The following EXTL2 variants were observed in gnomAD, a reference collection of about 807,000 sequenced individuals.
The protein encoded by EXTL2 is exostosin like glycosyltransferase 2.
A neutral mutation model predicts 30.7 loss-of-function variants in EXTL2; 23 were observed. That is an observed-to-expected ratio of 0.75 (90% CI 0.54 to 1.06). The LOEUF (loss-of-function observed/expected upper bound fraction) is 1.06, where lower values mean the gene tolerates loss of function less well. EXTL2 is among the 50% of genes least tolerant of loss of function. The pLI, the probability that EXTL2 is intolerant of heterozygous loss-of-function variation, is 0.00. For missense variants in EXTL2, 352 were observed against 396.3 expected, an observed-to-expected ratio of 0.89 and a Z score of 0.95; for synonymous variants, 123 against 133.8, an observed-to-expected ratio of 0.92 and a Z score of 0.56.
At chr1:100,887,942 G>A (rs893325675) in intron 2 of EXTL2, among the ~76,000 whole-genome samples, 5 of 151,978 alleles carry the variant, frequency 3.3e-5, no homozygotes, top group Admixed American at 2.0e-4. Context: ...CTTGTGATCC[G>A]CCCGCTTTGG....
At chr1:100,885,088 A>T (rs1649858384) in intron 2 of EXTL2, among the ~76,000 whole-genome samples, 7 of 152,246 alleles carry the variant, frequency 4.6e-5, no homozygotes, top group Admixed American at 4.6e-4. Flanking sequence ...GAGCTGGGTC[A>T]TCACCCATCT....
At chr1:100,888,903 T>C in intron 1 of EXTL2, 75 bp from the exon 2 acceptor site, 1 of 527,290 alleles carries the variant, frequency 1.9e-6, no homozygotes, top group Non-Finnish European at 3.3e-6. Flanking sequence ...AAACAAAAAA[T>C]GGTGCTTTCA....
At chr1:100,888,340 T>C (rs1034010368) in intron 2 of EXTL2, 2 of 156,008 alleles carry the variant, frequency 1.3e-5, no homozygotes, top group African/African-American at 4.8e-5. Flanking sequence ...GAAAATATGA[T>C]ACACAGGTAC....
upstream of EXTL2, chr1:100,894,906 T>A (rs569407684): frequency 6.6e-5 from 10 of 152,282 alleles, no homozygotes; most frequent in African/African-American, 2.2e-4. Context: ...CCCAGGAAGC[T>A]CGGTTTTGTA....
chr1:100,879,945 T>C (rs1649432788), intron 2 of EXTL2, among the ~76,000 whole-genome samples: 1 of 152,174 alleles, frequency 6.6e-6, no homozygotes, highest in Non-Finnish European at 1.5e-5. Flanking sequence ...AGTTTTGGAA[T>C]ATTCTGTTCC....
intron 2 of EXTL2, among the ~76,000 whole-genome samples, chr1:100,881,444 C>A (rs768260432): frequency 6.6e-6 from 1 of 152,236 alleles, no homozygotes; most frequent in Non-Finnish European, 1.5e-5. Context: ...TGACCTATGT[C>A]GTACTTGGGA....
At chr1:100,889,431 C>T (rs1172665209) in intron 1 of EXTL2, among the ~76,000 whole-genome samples, 1 of 152,108 alleles carries the variant, frequency 6.6e-6, no homozygotes, top group Non-Finnish European at 1.5e-5. Context: ...ATCATTCTAC[C>T]CCGGCCCCTC....
chr1:100,876,693 C>T, intron 4 of EXTL2, 101 bp downstream of exon 4: 1 of 730,998 alleles, frequency 1.4e-6, no homozygotes, highest in Non-Finnish European at 2.3e-6. Context: ...TAAATATTAT[C>T]TAAAATATTT....
chr1:100,881,023 T>C, intron 2 of EXTL2: 1 of 984,482 alleles, frequency 1.0e-6, no homozygotes, highest in African/African-American at 1.7e-5. Flanking sequence ...ACATTTCCTT[T>C]CAGATAGCTC....
chr1:100,893,343 AT>A (rs1210728528), intron 1 of EXTL2, among the ~76,000 whole-genome samples: 3 of 152,212 alleles, frequency 2.0e-5, no homozygotes. Flanking sequence ...ATGGCTTAGT[AT>A]TTATGGAAAG....
At chr1:100,880,728 A>G (rs1180410853) in intron 2 of EXTL2, among the ~76,000 whole-genome samples, 1 of 152,182 alleles carries the variant, frequency 6.6e-6, no homozygotes, top group African/African-American at 2.4e-5. Context: ...AAGTACTGAG[A>G]ATAAACAATC....
Position 100,874,231 on chromosome 1 carries a change from G to A in EXTL2, c.704C>T (p.Ala235Val), listed in dbSNP as rs147366080. 3.9e-4 allele frequency: 633 copies of A among 1,612,786 alleles called. 1 individual carries two copies. The highest frequency in any genetic ancestry group is 9.5e-4 in the Admixed American group (57 of 59,802). ...LFQRQPAAVH[A>V]LIDDTQNCDD... ...ACAGTTTTGAGTATCATCTATCAAA[G>A]CATGGACAGCTGCAGGTTGCCTCTG... is the stretch of plus-strand genomic sequence containing the variant. Residue 235 changes from alanine (A) to valine (V), a missense_variant, in exon 5 of 5, where the codon GCT becomes GTT. Physicochemically the swap from Ala to Val is moderately conservative, Grantham distance 64. Transcript: ENST00000370114.
In EXTL2 at chr1:100,877,717, G is replaced by T; in HGVS notation, c.192C>A (p.Asp64Glu). The T allele has an allele frequency of 6.2e-7, 1 of 1,613,550 alleles. No individual in the cohort carries two copies. The highest frequency in any genetic ancestry group is 8.5e-7 in the Non-Finnish European group (1 of 1,179,664). The change falls in exon 3 of 5, where the codon GAC (aspartate) becomes GAA (glutamate). Residue 64 changes from aspartate to glutamate, a missense_variant. Transcript: ENST00000370114. The surrounding 1 kb of genome is among the most constrained non-coding windows in gnomAD (Gnocchi z 4.1). Reference sequence around the variant, plus strand: ...ACGTCTGCATTATGAGAGTAAAGGAGTCCATGGTGGACTTGCCCTGGGATT... The same window carrying T: ...ACGTCTGCATTATGAGAGTAAAGGATTCCATGGTGGACTTGCCCTGGGATT... ...EIKSQGKSTM[D>E]SFTLIMQTYN...
At chr1:100,882,172 C>G (rs1185584786) in intron 2 of EXTL2, among the ~76,000 whole-genome samples, 1 of 152,218 alleles carries the variant, frequency 6.6e-6, no homozygotes, top group Non-Finnish European at 1.5e-5. Context: ...GGGACCACTG[C>G]TGGGGACACC....
chr1:100,880,956 C>T, intron 2 of EXTL2: 1 of 966,868 alleles, frequency 1.0e-6, no homozygotes, highest in Non-Finnish European at 1.2e-6. Flanking sequence ...TCATGAGTGA[C>T]TGCTTCCTTC....
Position 100,878,473 on chromosome 1 carries a change from A to G in EXTL2, c.6-570T>C, listed in dbSNP as rs185162752. ...CTGTGGATACAGCAATTAATGAGAT[A>G]CAAAAGGTGTCTGCTGTTAGTAGCA... On this transcript the variant is annotated intron_variant, in intron 2 of 4. Coordinates refer to ENST00000370114, the MANE Select transcript of EXTL2 (RefSeq NM_001033025.3). 6.5e-4 allele frequency: 307 copies of G among 470,844 alleles called. 1 individual carries two copies. The highest frequency in any genetic ancestry group is 8.3e-4 in the Non-Finnish European group (188 of 226,996). 29.2% of individuals were successfully genotyped at this position (470,844 alleles called of 1,614,324 possible). A position where few individuals can be genotyped will look rare whatever the true frequency, so the allele number is the denominator to read the frequency against.
At chr1:100,874,469 T>G (rs768327965) in intron 4 of EXTL2, 39 bp from the exon 5 acceptor site, 23 of 1,489,394 alleles carry the variant, frequency 1.5e-5, no homozygotes, top group Non-Finnish European at 2.0e-5. Flanking sequence ...TGTCACATAT[T>G]TTTAGAGAAG....
intron 2 of EXTL2, chr1:100,885,576 T>C (rs938127917): frequency 6.6e-6 from 1 of 152,250 alleles, no homozygotes; most frequent in Non-Finnish European, 1.5e-5. Context: ...GTATTGCCCA[T>C]GGTAAGCTTC....
chr1:100,885,035 A>G (rs1052651963), intron 2 of EXTL2, among the ~76,000 whole-genome samples: 4 of 152,196 alleles, frequency 2.6e-5, no homozygotes, highest in Admixed American at 2.0e-4. Flanking sequence ...TTAAGGCCCA[A>G]TTAAGACTAG....
Sources: allele counts gnomAD v4.1 joint callset (sites outside exome capture counted in the v4.1 genomes callset), GRCh38; gene constraint gnomAD v4.1.1; non-coding constraint Gnocchi (gnomAD v3.1); transcripts MANE v1.5; gene names NCBI Gene and HGNC (gene_info 2026-07-23, HGNC 2026-07-21).